The following PARP8 variants were observed in gnomAD, a reference collection of about 807,000 sequenced individuals.
PARP8 encodes poly(ADP-ribose) polymerase family member 8.
Under a neutral mutation model 124.1 loss-of-function variants are expected in PARP8, and 51 were observed. The observed-to-expected ratio is 0.41, with a 90% CI of 0.33 to 0.52. The LOEUF (loss-of-function observed/expected upper bound fraction) is 0.52, where lower values mean the gene tolerates loss of function less well. PARP8 is among the 20% of genes least tolerant of loss of function. The pLI, the probability that PARP8 is intolerant of heterozygous loss-of-function variation, is 0.21. For missense variants in PARP8, 860 were observed against 1,018.9 expected (o/e 0.84, Z 2.12); for synonymous variants, 391 against 361.5 (o/e 1.08, Z -0.93).
At chr5:50,828,253 C>A (rs1746563566) in intron 20 of PARP8, 59 bp from the exon 21 acceptor site, 3 of 1,510,060 alleles carry the variant, frequency 2.0e-6, no homozygotes, top group Admixed American at 3.4e-5. Flanking sequence ...TATGTTTTGA[C>A]CACTTTGAAG....
intron 2 of PARP8, 81 bp from the exon 3 acceptor site, chr5:50,750,070 G>A: frequency 9.0e-7 from 1 of 1,106,796 alleles, no homozygotes; most frequent in Non-Finnish European, 1.3e-6. Context: ...TGGGTAACAT[G>A]GGTTTGGTTT....
intron 2 of PARP8, among the ~76,000 whole-genome samples, chr5:50,669,867 A>G (rs55914570): frequency 0.022 from 3,413 of 152,316 alleles, 116 homozygotes; most frequent in African/African-American, 0.077. Flanking sequence ...CATTTGGCTA[A>G]GATCGAGCAC....
chr5:50,701,489 A>G (rs1253318884), intron 2 of PARP8, among the ~76,000 whole-genome samples: 1 of 152,068 alleles, frequency 6.6e-6, no homozygotes, highest in African/African-American at 2.4e-5. Flanking sequence ...ATAATTATTT[A>G]TTTGCTCCCC....
intron 14 of PARP8, among the ~76,000 whole-genome samples, chr5:50,802,802 T>A (rs1246528677): frequency 6.6e-6 from 1 of 152,120 alleles, no homozygotes; most frequent in Non-Finnish European, 1.5e-5. Flanking sequence ...GGAAAAAAAA[T>A]CAAAGTCAAA....
At chr5:50,796,912 T>TA (rs1210858425) in intron 12 of PARP8, 70 bp from the exon 13 acceptor site, 1 of 1,323,152 alleles carries the variant, frequency 7.6e-7, no homozygotes, top group Admixed American at 2.1e-5. Context: ...TTGCAAAGAG[T>TA]AAAAGCCTGT....
chr5:50,811,901 C>A (rs1476230281), intron 14 of PARP8, among the ~76,000 whole-genome samples: 1 of 152,154 alleles, frequency 6.6e-6, no homozygotes, highest in Non-Finnish European at 1.5e-5. Flanking sequence ...ATCCATGTTG[C>A]TACAAAGGAC....
intron 2 of PARP8, among the ~76,000 whole-genome samples, chr5:50,730,426 A>C (rs1756860000): frequency 6.6e-6 from 1 of 152,178 alleles, no homozygotes; most frequent in Admixed American, 6.5e-5. Flanking sequence ...AAAAGTGCTG[A>C]GCAAAAGGGG....
intron 2 of PARP8, among the ~76,000 whole-genome samples, chr5:50,691,847 T>G (rs1752526481): frequency 6.6e-6 from 1 of 152,164 alleles, no homozygotes; most frequent in African/African-American, 2.4e-5. Context: ...ATTACGCATG[T>G]GAAAAACCTG....
In PARP8 at chr5:50,666,849, G is replaced by C; in HGVS notation, c.-247G>C. 1 of 1,359,354 alleles carries C rather than the reference G, an allele frequency of 7.4e-7. No homozygotes were observed. Among genetic ancestry groups the C allele is most frequent in the Non-Finnish European group, 9.5e-7 (1 of 1,053,994 alleles). The allele number at this position is 1,359,354 out of a possible 1,614,324, so 84.2% of individuals were successfully genotyped here. ...CAGAAGGGGAGGAAATTGGAATCCA[G>C]CAGCGGCGAGCAGCAGCTGGGCGGT... On this transcript the variant is annotated 5_prime_UTR_variant, in exon 1 of 26. Transcript: ENST00000281631.
intron 22 of PARP8, among the ~76,000 whole-genome samples, chr5:50,831,419 G>A (rs1746971067): frequency 6.6e-6 from 1 of 152,008 alleles, no homozygotes; most frequent in Non-Finnish European, 1.5e-5. Context: ...TTCAAGAGTT[G>A]GGGAATTGGA....
chr5:50,707,636 A>AT lies in PARP8; in HGVS notation c.146+39511_146+39512insT, dbSNP rs1321496939. 6.0e-3 allele frequency among the ~76,000 whole-genome samples: 862 copies of AT among 143,884 alleles called. 4 individuals carry two copies. Among genetic ancestry groups the AT allele is most frequent in the African/African-American group, 0.021 (817 of 38,548 alleles). 94.4% of individuals were successfully genotyped at this position (143,884 alleles called of 152,430 possible). ...AGATAGATAGGGGAGACAGAGAGAG[A>AT]GAGAGAGAGAGAGAGAGAGAGAGAG... is the stretch of plus-strand genomic sequence containing the variant. On this transcript the variant is annotated intron_variant, in intron 2 of 25. Transcript: ENST00000281631.
intron 7 of PARP8, among the ~76,000 whole-genome samples, chr5:50,768,516 A>G (rs1387635259): frequency 6.6e-6 from 1 of 152,160 alleles, no homozygotes; most frequent in Non-Finnish European, 1.5e-5. Flanking sequence ...ATTTCGTTAG[A>G]TCATTTCTGT....
In PARP8 at chr5:50,842,123, A is replaced by AT; in HGVS notation, c.*59dup. 2 of 1,183,630 alleles carry AT rather than the reference A, an allele frequency of 1.7e-6. No homozygotes were observed. The allele number at this position is 1,183,630 out of a possible 1,614,324, so 73.3% of individuals were successfully genotyped here. A position where few individuals can be genotyped will look rare whatever the true frequency, so the allele number is the denominator to read the frequency against. ...AAGCCTTCCTCGGGTTCAAAGCTGG[A>AT]TTTTGAACTGAAGAAGATTATAAAA... On this transcript the variant is annotated 3_prime_UTR_variant, in exon 26 of 26. Coordinates refer to ENST00000281631, the MANE Select transcript of PARP8 (RefSeq NM_024615.4).
intron 10 of PARP8, among the ~76,000 whole-genome samples, chr5:50,792,949 C>T (rs1315425380): frequency 2.6e-5 from 4 of 152,052 alleles, no homozygotes; most frequent in East Asian, 1.9e-4. Flanking sequence ...TAGTAACTGG[C>T]GTTGTGCTAA....
chr5:50,716,079 C>A (rs1010594479), intron 2 of PARP8, among the ~76,000 whole-genome samples: 1 of 152,046 alleles, frequency 6.6e-6, no homozygotes, highest in African/African-American at 2.4e-5. Context: ...CAAAAACTTG[C>A]TGTGATTCAA....
intron 15 of PARP8, 88 bp from the exon 16 acceptor site, chr5:50,821,125 A>G: frequency 6.7e-7 from 1 of 1,484,372 alleles, no homozygotes; most frequent in Non-Finnish European, 9.3e-7. Flanking sequence ...CTTCCTCATT[A>G]ACTTATGCTA....
chr5:50,815,583 A>T, intron 15 of PARP8, 59 bp downstream of exon 15: 2 of 1,221,678 alleles, frequency 1.6e-6, no homozygotes, highest in Non-Finnish European at 2.3e-6. Context: ...GTTCCAGTCC[A>T]CTAGTTATCT....
chr5:50,687,737 CT>C (rs1406350173), intron 2 of PARP8, among the ~76,000 whole-genome samples: 1 of 152,118 alleles, frequency 6.6e-6, no homozygotes, highest in Non-Finnish European at 1.5e-5. Flanking sequence ...TGCAGGAAAA[CT>C]CCCCCGTATA....
At chr5:50,819,278 T>C (rs567214391) in intron 15 of PARP8, among the ~76,000 whole-genome samples, 1 of 152,208 alleles carries the variant, frequency 6.6e-6, no homozygotes, top group East Asian at 1.9e-4. Context: ...TTAAATATAC[T>C]AGTAAAAATA....
Sources: gnomAD v4.1 joint callset for allele counts (sites outside exome capture counted in the v4.1 genomes callset) on GRCh38, gnomAD v4.1.1 for gene constraint, MANE v1.5 for transcripts, NCBI Gene and HGNC (gene_info 2026-07-23, HGNC 2026-07-21) for gene names.